Variants in DMD observed in about 807,000 individuals in gnomAD.
DMD encodes the protein dystrophin, also known as mutant dystrophin.
In DMD, 63 loss-of-function variants were observed where a neutral mutation model predicts 330.1. That is an observed-to-expected ratio of 0.19 (90% CI 0.16 to 0.24). The LOEUF (loss-of-function observed/expected upper bound fraction) is 0.24. Ranked by LOEUF, DMD falls within the 10% of genes least tolerant of loss-of-function variation. The pLI is 1.00. For missense variants in DMD, 3,344 were observed against 2,684.1 expected (o/e 1.25, Z -5.43); for synonymous variants, 1,223 against 959.8 (o/e 1.27, Z -5.07).
Position 31,375,133 on chromosome X carries a change from C to T in DMD, c.9085-26499G>A, listed in dbSNP as rs562268468. Among the ~76,000 whole-genome samples, 27 of 112,172 alleles carry T rather than the reference C, an allele frequency of 2.4e-4. No individual in the cohort carries two copies. In the South Asian group the frequency reaches 0.01, roughly 42 times the overall value. ...TGTGGGAGTTTTTTATATCCTACTG[C>T]TCAAGGTCATCGCCAAGGTCTGACT... is the stretch of plus-strand genomic sequence containing the variant. On this transcript the variant is annotated intron_variant, in intron 60 of 78. Coordinates refer to ENST00000357033, the MANE Select transcript of DMD (RefSeq NM_004006.3).
At chrX:32,370,258 A>T (rs565817003) in intron 34 of DMD, among the ~76,000 whole-genome samples, 4 of 107,430 alleles carry the variant, frequency 3.7e-5, no homozygotes, top group Non-Finnish European at 3.9e-5. Context: ...AGCTGTAATC[A>T]TATCAATGGT....
intron 7 of DMD, among the ~76,000 whole-genome samples, chrX:32,767,290 T>A (rs2073099601): frequency 9.0e-6 from 1 of 111,036 alleles, no homozygotes; most frequent in Non-Finnish European, 1.9e-5. Flanking sequence ...TCCAAATAAG[T>A]TTTTACAAAA....
intron 2 of DMD, among the ~76,000 whole-genome samples, chrX:32,870,235 G>A (rs1289992214): frequency 9.0e-6 from 1 of 111,343 alleles, no homozygotes; most frequent in African/African-American, 3.3e-5. Flanking sequence ...AACAGGCTAA[G>A]TGCACCACCT....
intron 42 of DMD, 44 bp downstream of exon 42, chrX:32,310,038 T>C (rs372049737): frequency 2.5e-5 from 28 of 1,100,391 alleles, no homozygotes; most frequent in Non-Finnish European, 3.4e-5. Flanking sequence ...GAATGATCAG[T>C]ATGATCACCT....
chrX:32,188,761 T>C (rs749628929), intron 44 of DMD, among the ~76,000 whole-genome samples: 1 of 110,470 alleles, frequency 9.1e-6, no homozygotes, highest in Non-Finnish European at 1.9e-5. Context: ...AATTTCCTTC[T>C]ATATAAACTT....
intron 13 of DMD, among the ~76,000 whole-genome samples, chrX:32,588,576 A>G (rs1004536208): frequency 8.9e-6 from 1 of 111,756 alleles, no homozygotes; most frequent in Non-Finnish European, 1.9e-5. Flanking sequence ...AAGTATCAGA[A>G]TCTGGAAAGT....
intron 21 of DMD, among the ~76,000 whole-genome samples, chrX:32,480,827 G>A (rs908472698): frequency 9.1e-6 from 1 of 110,329 alleles, no homozygotes. Context: ...TGCTCTTGAT[G>A]GTATTGATAA....
At chrX:31,750,433 T>C (rs137928759) in intron 51 of DMD, among the ~76,000 whole-genome samples, 14,039 of 109,502 alleles carry the variant, frequency 0.13, 659 homozygotes, top group East Asian at 0.18. Flanking sequence ...TTTCTCAGGT[T>C]TGTCAAAGAT....
At chrX:32,560,112 T>G (rs2050813529) in intron 16 of DMD, among the ~76,000 whole-genome samples, 3 of 109,780 alleles carry the variant, frequency 2.7e-5, no homozygotes, top group Non-Finnish European at 5.7e-5. Context: ...TCATACAACT[T>G]TCCTTATTCC....
In DMD at chrX:32,517,794, A is replaced by C; in HGVS notation, c.2292+214T>G. On this transcript the variant is annotated intron_variant, in intron 18 of 78. Coordinates refer to ENST00000357033, the MANE Select transcript of DMD (RefSeq NM_004006.3). ...ATGTAAGTTAAGGCAAGTTTATGAA[A>C]GGCATCCCTAGTCAGTCACAGAAGA... 6.8e-6 allele frequency: 3 copies of C among 441,302 alleles called. No homozygotes were observed. In the South Asian group the frequency reaches 1.2e-4, roughly 18 times the overall value. 36.4% of individuals were successfully genotyped at this position (441,302 alleles called of 1,213,427 possible).
intron 60 of DMD, among the ~76,000 whole-genome samples, chrX:31,433,747 C>T (rs2064259030): frequency 9.0e-6 from 1 of 111,627 alleles, no homozygotes; most frequent in African/African-American, 3.3e-5. Flanking sequence ...GCGTGAGCCA[C>T]GACACCCGGT....
chrX:33,135,707 G>A (rs1352003153), intron 1 of DMD, among the ~76,000 whole-genome samples: 3 of 111,863 alleles, frequency 2.7e-5, no homozygotes, highest in Admixed American at 9.5e-5. Context: ...TAATGGCATT[G>A]TGACCCTGAA....
At chrX:32,033,317 T>C (rs2095901241) in intron 44 of DMD, among the ~76,000 whole-genome samples, 1 of 110,858 alleles carries the variant, frequency 9.0e-6, no homozygotes, top group African/African-American at 3.3e-5. Flanking sequence ...TCCAACATTC[T>C]ACCTAGAGTC....
chrX:32,860,566 G>A (rs2081999761), intron 2 of DMD, among the ~76,000 whole-genome samples: 1 of 106,054 alleles, frequency 9.4e-6, no homozygotes, highest in African/African-American at 3.6e-5. Context: ...TAAATAGGAA[G>A]CTTTCCGAGT....
Position 33,106,214 on chromosome X carries a change from T to C in DMD, c.32-86014A>G, listed in dbSNP as rs111621228. Among the ~76,000 whole-genome samples the C allele has an allele frequency of 4.8e-3, 532 of 110,871 alleles. 2 individuals are homozygous for C. The highest frequency in any genetic ancestry group is 8.4e-3 in the Non-Finnish European group (447 of 52,972). On this transcript the variant is annotated intron_variant, in intron 1 of 78. Coordinates refer to ENST00000357033, the MANE Select transcript of DMD (RefSeq NM_004006.3). ...ATCAAATACTGTGTGTTCTCACTTATAATGGGAACTAACTTATGAGTATGC... is the reference window on the plus strand; with the variant it reads ...ATCAAATACTGTGTGTTCTCACTTACAATGGGAACTAACTTATGAGTATGC...
rs1253916951 is a variant in DMD, at chrX:32,838,794, T to A, written c.264+5989A>T. Among the ~76,000 whole-genome samples, 4 of 112,008 alleles carry A rather than the reference T, an allele frequency of 3.6e-5. No individual in the cohort carries two copies. The Admixed American group carries it at 3.8e-4, about 11-fold the overall frequency. Reference sequence around the variant, plus strand: ...TCAGCAAAAGATGCTGGAGAGAATATGGAGAAATAGGAATGCTTTTACACT... The same window carrying A: ...TCAGCAAAAGATGCTGGAGAGAATAAGGAGAAATAGGAATGCTTTTACACT... On this transcript the variant is annotated intron_variant, in intron 4 of 78. Transcript: ENST00000357033.
intron 7 of DMD, among the ~76,000 whole-genome samples, chrX:32,806,896 GAGAACAAA>G (rs2076981982): frequency 9.1e-6 from 1 of 109,740 alleles, no homozygotes; most frequent in Non-Finnish European, 1.9e-5. Flanking sequence ...TGAAACCAAT[GAGAACAAA>G]GATACAATGT....
chrX:31,801,819 C>G (rs142936525), intron 50 of DMD, among the ~76,000 whole-genome samples: 2,616 of 110,972 alleles, frequency 0.024, 36 homozygotes, highest in Middle Eastern at 0.09. Flanking sequence ...CAAATTGTCC[C>G]ACAAATAAAT....
Position 31,120,512 on chromosome X carries a change from C to A in DMD, c.*1407G>T, listed in dbSNP as rs1240069776. Reference sequence around the variant, plus strand: ...AAAGTTTATTTATTTTAAATTATGTCTTGTGGCATTTAAAAACTCATCCCA... The same window carrying A: ...AAAGTTTATTTATTTTAAATTATGTATTGTGGCATTTAAAAACTCATCCCA... On this transcript the variant is annotated 3_prime_UTR_variant, in exon 79 of 79. Transcript: ENST00000357033. The A allele has an allele frequency of 1.2e-4, 14 of 112,021 alleles. No individual in the cohort carries two copies. Among genetic ancestry groups the A allele is most frequent in the African/African-American group, 4.5e-4 (14 of 30,835 alleles). The allele number at this position is 112,021 out of a possible 1,213,427, so 9.2% of individuals were successfully genotyped here.
Sources: allele counts gnomAD v4.1 joint callset (sites outside exome capture counted in the v4.1 genomes callset), GRCh38; gene constraint gnomAD v4.1.1; transcripts MANE v1.5; gene names NCBI Gene and HGNC (gene_info 2026-07-23, HGNC 2026-07-21).